The following USP32 variants were observed in gnomAD, a reference collection of about 807,000 sequenced individuals.
USP32 encodes ubiquitin carboxyl-terminal hydrolase 32.
A neutral mutation model predicts 204.8 loss-of-function variants in USP32; 59 were observed. The observed-to-expected ratio is 0.29, with a 90% confidence interval of 0.23 to 0.36. USP32 has a LOEUF of 0.36. USP32 is among the 10% of genes least tolerant of loss of function. USP32 has a pLI of 1.00. For synonymous variants in USP32, 517 were observed against 678.4 expected, an observed-to-expected ratio of 0.76 and a Z score of 3.70; for missense variants, 1,160 against 1,946.4, an observed-to-expected ratio of 0.60 and a Z score of 7.60.
chr17:60,190,514 A>T, intron 29 of USP32, 49 bp downstream of exon 29: 1 of 1,505,900 alleles, frequency 6.6e-7, no homozygotes, highest in Non-Finnish European at 8.8e-7. Context: ...ACACTGGTGG[A>T]AATTTCTCAT....
intron 9 of USP32, chr17:60,256,697 G>T: frequency 8.9e-7 from 1 of 1,121,842 alleles, no homozygotes. Context: ...GTGAGGAAAG[G>T]AACATCAATG....
At chr17:60,420,093 ATTTGT>A (rs1200044695) in intron 1 of USP32, among the ~76,000 whole-genome samples, 5 of 136,460 alleles carry the variant, frequency 3.7e-5, no homozygotes, top group African/African-American at 6.2e-5. Flanking sequence ...ATTTTATTTT[ATTTGT>A]TTTGTTTTAT....
At position 60,240,445 on chromosome 17, in the gene USP32, G is replaced by A. The variant is rs193163133; in HGVS notation, c.1137-4205C>T. Among the ~76,000 whole-genome samples, 436 of 152,074 alleles carry A rather than the reference G, an allele frequency of 2.9e-3. 4 individuals carry two copies. The highest frequency in any genetic ancestry group is 9.8e-3 in the African/African-American group (406 of 41,458). ...AATGGCAGAAGTGGGGAGAGGGAGAGAAGAAAAGAGAGAGGGAGGGAGAGA... is the reference window on the plus strand; with the variant it reads ...AATGGCAGAAGTGGGGAGAGGGAGAAAAGAAAAGAGAGAGGGAGGGAGAGA... On this transcript the variant is annotated intron_variant, in intron 11 of 33. Coordinates refer to ENST00000300896, the MANE Select transcript of USP32 (RefSeq NM_032582.4).
At chr17:60,384,590 GAGAA>G (rs1291969011) in intron 1 of USP32, among the ~76,000 whole-genome samples, 2 of 152,010 alleles carry the variant, frequency 1.3e-5, no homozygotes, top group Non-Finnish European at 2.9e-5. Flanking sequence ...TCGGGAGTTG[GAGAA>G]CAGCCTGACC....
chr17:60,297,706 G>C (rs538894523), intron 3 of USP32, among the ~76,000 whole-genome samples: 1 of 152,210 alleles, frequency 6.6e-6, no homozygotes, highest in East Asian at 1.9e-4. Flanking sequence ...CTCCCAAAGT[G>C]CTGGGATTAC....
At chr17:60,196,462 T>C (rs1320179585) in intron 27 of USP32, among the ~76,000 whole-genome samples, 1 of 152,206 alleles carries the variant, frequency 6.6e-6, no homozygotes, top group Admixed American at 6.5e-5. Flanking sequence ...TGCTTATCTA[T>C]TATTTGCAGT....
intron 9 of USP32, among the ~76,000 whole-genome samples, chr17:60,264,881 A>AAAG (rs1555604168): frequency 0.022 from 3,136 of 141,184 alleles, 211 homozygotes; most frequent in African/African-American, 0.084. Flanking sequence ...AAAAAAAAAA[A>AAAG]AGAGAGAGAG....
chr17:60,360,828 A>C lies in USP32; in HGVS notation c.59-15220T>G, dbSNP rs369601989. 3.9e-4 allele frequency among the ~76,000 whole-genome samples: 59 copies of C among 151,888 alleles called. No individual in the cohort carries two copies. In the East Asian group the frequency reaches 4.7e-3, roughly 12 times the overall value. The stretch of plus-strand genomic sequence containing the variant: ...GTGAATGCATTCTTCTTCTAAATTC[A>C]AACAGTATACATAAAGTAGGCCGGG... On this transcript the variant is annotated intron_variant, in intron 1 of 33. Coordinates refer to ENST00000300896, the MANE Select transcript of USP32 (RefSeq NM_032582.4).
intron 29 of USP32, among the ~76,000 whole-genome samples, chr17:60,187,564 CT>C (rs1211376238): frequency 6.6e-6 from 1 of 152,170 alleles, no homozygotes; most frequent in East Asian, 1.9e-4. Context: ...AATATTATCT[CT>C]ATTATCTCTA....
At chr17:60,343,270 G>A (rs1397239263) in intron 2 of USP32, among the ~76,000 whole-genome samples, 1 of 151,520 alleles carries the variant, frequency 6.6e-6, no homozygotes, top group Non-Finnish European at 1.5e-5. Context: ...AAGGATATCC[G>A]GGACTTGAAC....
At chr17:60,264,074 T>A (rs1471201624) in intron 9 of USP32, among the ~76,000 whole-genome samples, 2 of 152,162 alleles carry the variant, frequency 1.3e-5, no homozygotes, top group African/African-American at 2.4e-5. Flanking sequence ...TAGGAGTAAA[T>A]CTATTATGAT....
chr17:60,336,715 CA>C (rs573590957), intron 2 of USP32, among the ~76,000 whole-genome samples: 110 of 71,572 alleles, frequency 1.5e-3, no homozygotes, highest in Middle Eastern at 6.5e-3. Flanking sequence ...GACTCCATCT[CA>C]AAAAAAAAAA....
At chr17:60,247,899 T>G (rs553331370) in intron 11 of USP32, among the ~76,000 whole-genome samples, 1 of 152,256 alleles carries the variant, frequency 6.6e-6, no homozygotes, top group African/African-American at 2.4e-5. Flanking sequence ...TTAGCCAGTA[T>G]GGTCTCAACC....
chr17:60,288,752 T>C, intron 4 of USP32, 70 bp from the exon 5 acceptor site: 1 of 1,375,296 alleles, frequency 7.3e-7, no homozygotes, highest in Non-Finnish European at 9.9e-7. Context: ...CTGCACAACC[T>C]GAAATTTGCA....
intron 15 of USP32, 132 bp downstream of exon 15, chr17:60,222,277 A>G: frequency 9.8e-7 from 1 of 1,020,342 alleles, no homozygotes; most frequent in Non-Finnish European, 1.4e-6. Flanking sequence ...TGAACAATCC[A>G]CACAGGTTCA....
intron 1 of USP32, among the ~76,000 whole-genome samples, chr17:60,383,914 T>G (rs1201048661): frequency 6.6e-6 from 1 of 152,214 alleles, no homozygotes; most frequent in Non-Finnish European, 1.5e-5. Flanking sequence ...AAGATCTGGT[T>G]TGGATTTTAA....
intron 32 of USP32, among the ~76,000 whole-genome samples, 159 bp downstream of exon 32, chr17:60,181,165 C>G (rs542509002): frequency 6.6e-6 from 1 of 152,124 alleles, no homozygotes; most frequent in Non-Finnish European, 1.5e-5. Flanking sequence ...TGAGTCACCA[C>G]ACCTGGGCAG....
chr17:60,358,999 G>A (rs2089148018), intron 1 of USP32, among the ~76,000 whole-genome samples: 1 of 152,164 alleles, frequency 6.6e-6, no homozygotes, highest in African/African-American at 2.4e-5. Context: ...GGTTCCAGCT[G>A]CTGCAAACTA....
chr17:60,375,008 A>G (rs1218152383), intron 1 of USP32, among the ~76,000 whole-genome samples: 2 of 152,254 alleles, frequency 1.3e-5, no homozygotes, highest in Non-Finnish European at 1.5e-5. Flanking sequence ...GAGTAACAGC[A>G]AATAATTAGC....
Sources: allele counts gnomAD v4.1 joint callset (sites outside exome capture counted in the v4.1 genomes callset), GRCh38; gene constraint gnomAD v4.1.1; transcripts MANE v1.5; gene names NCBI Gene and HGNC (gene_info 2026-07-23, HGNC 2026-07-21).